EFL1: variants seen among roughly 807,000 people sequenced by gnomAD.
EFL1 encodes elongation factor-like GTPase 1.
A neutral mutation model predicts 126.7 loss-of-function variants in EFL1; 76 were observed. The ratio of observed to expected loss-of-function variants is 0.60; its 90% CI spans 0.50 to 0.73. EFL1 has a LOEUF of 0.73. Ranked by LOEUF, EFL1 falls within the 30% of genes least tolerant of loss-of-function variation. The pLI is 0.00. For missense variants in EFL1, 1,128 were observed against 1,343.2 expected (o/e 0.84, Z 2.50); for synonymous variants, 410 against 448.4 (o/e 0.91, Z 1.08).
chr15:82,258,673 G>A (rs2075087361), intron 3 of EFL1, among the ~76,000 whole-genome samples: 1 of 152,198 alleles, frequency 6.6e-6, no homozygotes, highest in African/African-American at 2.4e-5. Context: ...CTGCCAGTAT[G>A]TTTTCTCTGT....
intron 15 of EFL1, among the ~76,000 whole-genome samples, chr15:82,182,855 A>G (rs1440545977): frequency 1.3e-5 from 2 of 152,110 alleles, no homozygotes; most frequent in East Asian, 1.9e-4. Context: ...TTTTACAGGT[A>G]TGAAGGACAT....
At chr15:82,154,655 G>A (rs977558622) in intron 17 of EFL1, among the ~76,000 whole-genome samples, 1 of 152,184 alleles carries the variant, frequency 6.6e-6, no homozygotes, top group Non-Finnish European at 1.5e-5. Context: ...ATGCCATTAA[G>A]TATGAAGGTA....
At chr15:82,157,640 TG>T in intron 17 of EFL1, 72 bp downstream of exon 17, 1 of 1,483,944 alleles carries the variant, frequency 6.7e-7, no homozygotes, top group Non-Finnish European at 9.0e-7. Flanking sequence ...TAAGTTCAAC[TG>T]GTTTAGGAAA....
chr15:82,208,155 C>T (rs2074545690), intron 15 of EFL1, among the ~76,000 whole-genome samples: 1 of 152,012 alleles, frequency 6.6e-6, no homozygotes, highest in South Asian at 2.1e-4. Flanking sequence ...ATAAAGAAAT[C>T]GAACAAGAAA....
chr15:82,170,104 G>A (rs1458789382), intron 15 of EFL1, among the ~76,000 whole-genome samples: 1 of 125,498 alleles, frequency 8.0e-6, no homozygotes, highest in Non-Finnish European at 1.7e-5. Context: ...ACCACTGGAT[G>A]TCTTTTTTTT....
chr15:82,258,792 C>A (rs2141345342), intron 3 of EFL1, among the ~76,000 whole-genome samples: 1 of 152,330 alleles, frequency 6.6e-6, no homozygotes, highest in South Asian at 2.1e-4. Flanking sequence ...CTCCTCAAAC[C>A]ACTCAACTCA....
At chr15:82,227,660 A>G in intron 10 of EFL1, 88 bp from the exon 11 acceptor site, 1 of 1,569,802 alleles carries the variant, frequency 6.4e-7, no homozygotes, top group Non-Finnish European at 8.7e-7. Flanking sequence ...TATTGAGGTA[A>G]CAAAGTCTGT....
chr15:82,202,948 G>C lies in EFL1; in HGVS notation c.1750+11769C>G, dbSNP rs565142905. On this transcript the variant is annotated intron_variant, in intron 15 of 19. Coordinates refer to ENST00000268206, the MANE Select transcript of EFL1 (RefSeq NM_024580.6). ...CGCCTCAGCCTCCCGAGTAGCTGGG[G>C]TTACAGGCATGTTCCACCACACCTG... Among the ~76,000 whole-genome samples, 27 of 151,924 alleles carry C rather than the reference G, an allele frequency of 1.8e-4. No individual in the cohort carries two copies. In the East Asian group the frequency reaches 1.9e-3, roughly 11 times the overall value.
rs1241792611 is a variant in EFL1 at position 82,211,581 on chromosome 15, CTAG to C, written c.1750+3133_1750+3135del. On this transcript the variant is annotated intron_variant, in intron 15 of 19. Transcript: ENST00000268206. ...ACACACACACACACACACACACACA[CTAG>C]ACACATACTAGACACACACACACAC... Among the ~76,000 whole-genome samples, 204 of 72,922 alleles carry C rather than the reference CTAG, an allele frequency of 2.8e-3. 2 individuals carry two copies. Among genetic ancestry groups the C allele is most frequent in the East Asian group, 5.1e-3 (18 of 3,542 alleles). 47.8% of individuals were successfully genotyped at this position (72,922 alleles called of 152,430 possible). A position where few individuals can be genotyped will look rare whatever the true frequency, so the allele number is the denominator to read the frequency against.
rs2075119277 is a variant in EFL1, at chr15:82,261,608, C to T, written c.91+80G>A. 3 of 1,351,416 alleles carry T rather than the reference C, an allele frequency of 2.2e-6. No individual in the cohort carries two copies. In the African/African-American group the frequency reaches 4.4e-5, roughly 20 times the overall value. The allele number at this position is 1,351,416 out of a possible 1,614,324, so 83.7% of individuals were successfully genotyped here. A position where few individuals can be genotyped will look rare whatever the true frequency, so the allele number is the denominator to read the frequency against. On this transcript the variant is annotated intron_variant, in intron 2 of 19. Transcript: ENST00000268206. ...CTTAGCAAACATCACTCTCAGCTGT[C>T]CACAGCTTCACTCCACTGAGACATA...
At position 82,152,340 on chromosome 15, in the gene EFL1, A is replaced by G; in HGVS notation, c.2114T>C (p.Val705Ala). ...TITKPPKVDM[V>A]NEEIGKQQKV... The stretch of plus-strand genomic sequence containing the variant: ...TTGCTGTTTGCCTATTTCTTCATTG[A>G]CCATGTCAACTTTTGGGGGTTTTGT... The change falls in exon 18 of 20, where the codon GTC (valine) becomes GCC (alanine). Residue 705 changes from valine to alanine, a missense_variant. Physicochemically the swap from Val to Ala is moderately conservative, Grantham distance 64 (BLOSUM62 0). Coordinates refer to ENST00000268206, the MANE Select transcript of EFL1 (RefSeq NM_024580.6). The G allele has an allele frequency of 1.2e-6, 2 of 1,613,928 alleles. No homozygotes were observed. The highest frequency in any genetic ancestry group is 1.7e-6 in the Non-Finnish European group (2 of 1,180,040).
chr15:82,178,334 T>C (rs955179468), intron 15 of EFL1, among the ~76,000 whole-genome samples: 7 of 152,208 alleles, frequency 4.6e-5, no homozygotes, highest in African/African-American at 1.7e-4. Flanking sequence ...TTGGAATGTG[T>C]CTATCAACTA....
At chr15:82,256,099 T>C (rs1428221541) in intron 3 of EFL1, among the ~76,000 whole-genome samples, 4 of 152,048 alleles carry the variant, frequency 2.6e-5, no homozygotes, top group African/African-American at 9.7e-5. Context: ...CAATATCTCA[T>C]AGGTTTTGTT....
rs542998849 is a variant in EFL1, at chr15:82,260,266, A to G, written c.92-1111T>C. Among the ~76,000 whole-genome samples the G allele has an allele frequency of 2.6e-5, 4 of 152,320 alleles. No homozygotes were observed. The South Asian group carries it at 8.3e-4, about 32-fold the overall frequency. The stretch of plus-strand genomic sequence containing the variant: ...AAAAAACCCTTTTATCAGCCTTCAC[A>G]TTCTCAAAATGTGAGCAGTAAAATT... On this transcript the variant is annotated intron_variant, in intron 2 of 19. Coordinates refer to ENST00000268206, the MANE Select transcript of EFL1 (RefSeq NM_024580.6).
At chr15:82,208,493 T>TA (rs1202017767) in intron 15 of EFL1, among the ~76,000 whole-genome samples, 1 of 152,066 alleles carries the variant, frequency 6.6e-6, no homozygotes, top group Non-Finnish European at 1.5e-5. Flanking sequence ...CTGTAGAGGG[T>TA]AAAAAAACGA....
chr15:82,220,990 G>A (rs558958860), intron 12 of EFL1, among the ~76,000 whole-genome samples: 4 of 152,252 alleles, frequency 2.6e-5, no homozygotes, highest in East Asian at 1.9e-4. Flanking sequence ...CCCTTCCCAC[G>A]TAGAGGTCCT....
Position 82,152,301 on chromosome 15 carries a change from A to G in EFL1, c.2153T>C (p.Ile718Thr). ...GCTTTGATCTTCTTTCATTTGGTGT[A>G]TGACTGCAACTTTTTGCTGTTTGCC... is the stretch of plus-strand genomic sequence containing the variant. ...EIGKQQKVAV[I>T]HQMKEDQSKI... Residue 718 changes from isoleucine to threonine, a missense_variant, in exon 18 of 20, where the codon ATA (isoleucine) becomes ACA (threonine). By Grantham distance (89) the Ile-to-Thr change is moderately conservative. This residue lies in a region of EFL1 where 561 missense variants were observed against 641.7 expected (regional missense o/e 0.87). Transcript: ENST00000268206. 1 of 1,614,144 alleles carries G rather than the reference A, an allele frequency of 6.2e-7. No individual in the cohort carries two copies. Among genetic ancestry groups the G allele is most frequent in the Non-Finnish European group, 8.5e-7 (1 of 1,180,028 alleles).
rs2073629476 is a variant in EFL1, at chr15:82,130,561, T to A, written c.3175A>T (p.Ile1059Phe). ...SPQLVFSHWE[I>F]IPSDPFWVPT... Reference sequence around the variant, plus strand: ...ACCCAGAAGGGGTCACTGGGAATGATCTTGTAAAAGAAGATGACAGAATGT... The same window carrying A: ...ACCCAGAAGGGGTCACTGGGAATGAACTTGTAAAAGAAGATGACAGAATGT... The change falls in exon 20 of 20, where the codon ATC (isoleucine) becomes TTC (phenylalanine). Residue 1059 changes from isoleucine to phenylalanine, a missense_variant and splice_region_variant. By Grantham distance (21) the Ile-to-Phe change is conservative. Transcript: ENST00000268206. 1.2e-6 allele frequency: 2 copies of A among 1,613,456 alleles called. No homozygotes were observed. Among genetic ancestry groups the A allele is most frequent in the Admixed American group, 1.7e-5 (1 of 59,846 alleles).
intron 3 of EFL1, among the ~76,000 whole-genome samples, chr15:82,258,245 C>G (rs1381094656): frequency 6.6e-6 from 1 of 152,204 alleles, no homozygotes; most frequent in Admixed American, 6.5e-5. Context: ...ATAAAGATCT[C>G]TTTAATTTTA....
Sources: gnomAD v4.1 joint callset for allele counts (sites outside exome capture counted in the v4.1 genomes callset) on GRCh38, gnomAD v4.1.1 for gene constraint, gnomAD v4.1.1 regional missense constraint, MANE v1.5 for transcripts, NCBI Gene and HGNC (gene_info 2026-07-23, HGNC 2026-07-21) for gene names.